ANTXR1: variants seen among roughly 807,000 people sequenced by gnomAD.
ANTXR1 encodes anthrax toxin receptor 1.
ANTXR1 carries 19 observed loss-of-function variants against 78.1 expected under a neutral mutation model. The observed-to-expected ratio is 0.24, with a 90% confidence interval of 0.17 to 0.36. ANTXR1 has a LOEUF of 0.36. ANTXR1 is among the 10% of genes least tolerant of loss of function. The probability of loss-of-function intolerance (pLI) is 1.00; values close to 1 mark genes in which losing one functional copy is unlikely to be tolerated. For missense variants in ANTXR1, 518 were observed against 718.6 expected (o/e 0.72, Z 3.19); for synonymous variants, 273 against 260.5 (o/e 1.05, Z -0.46).
rs750520607 is a variant in ANTXR1, at chr2:69,248,980, A to C, written c.*3495A>C. ...TAGAATATGATTTTTAATACACTTA[A>C]CATTAAACTCTTCTAACTTTCTTCT... is the stretch of plus-strand genomic sequence containing the variant. On this transcript the variant is annotated 3_prime_UTR_variant, in exon 18 of 18. Coordinates refer to ENST00000303714, the MANE Select transcript of ANTXR1 (RefSeq NM_032208.3). The C allele has an allele frequency of 1.3e-5, 2 of 152,194 alleles. No homozygotes were observed. The highest frequency in any genetic ancestry group is 2.9e-5 in the Non-Finnish European group (2 of 68,036). The allele number at this position is 152,194 out of a possible 1,614,324, so 9.4% of individuals were successfully genotyped here. A position where few individuals can be genotyped will look rare whatever the true frequency, so the allele number is the denominator to read the frequency against.
intron 12 of ANTXR1, among the ~76,000 whole-genome samples, chr2:69,129,440 A>G (rs937452384): frequency 9.2e-5 from 14 of 152,170 alleles, no homozygotes; most frequent in Non-Finnish European, 1.9e-4. Context: ...TTGGAGAAAG[A>G]GTCCAACAAG....
At chr2:69,107,726 T>A (rs1671856513) in intron 10 of ANTXR1, among the ~76,000 whole-genome samples, 1 of 152,190 alleles carries the variant, frequency 6.6e-6, no homozygotes, top group Non-Finnish European at 1.5e-5. Flanking sequence ...CTAAGACAAC[T>A]TTGAAGACAG....
At chr2:69,129,759 A>G (rs1436391543) in intron 12 of ANTXR1, among the ~76,000 whole-genome samples, 2 of 152,154 alleles carry the variant, frequency 1.3e-5, no homozygotes, top group Non-Finnish European at 2.9e-5. Context: ...CAAAAAAAAA[A>G]AAAGAGTGTA....
At chr2:69,055,011 A>C (rs1324734012) in intron 3 of ANTXR1, among the ~76,000 whole-genome samples, 1 of 152,190 alleles carries the variant, frequency 6.6e-6, no homozygotes, top group Non-Finnish European at 1.5e-5. Flanking sequence ...TTATCTATAA[A>C]GTGAATGCAA....
intron 3 of ANTXR1, among the ~76,000 whole-genome samples, chr2:69,060,963 A>G (rs899644447): frequency 6.6e-6 from 1 of 152,250 alleles, no homozygotes; most frequent in Non-Finnish European, 1.5e-5. Flanking sequence ...AAATATTTAA[A>G]CCATAAAAAC....
intron 17 of ANTXR1, among the ~76,000 whole-genome samples, chr2:69,214,908 A>G (rs1195150975): frequency 1.3e-5 from 2 of 152,152 alleles, no homozygotes; most frequent in Non-Finnish European, 2.9e-5. Context: ...GTGCTTTCAT[A>G]GCCTCTGGGT....
At chr2:69,150,529 GAAAA>G (rs1257014488) in intron 12 of ANTXR1, among the ~76,000 whole-genome samples, 1 of 152,026 alleles carries the variant, frequency 6.6e-6, no homozygotes, top group Non-Finnish European at 1.5e-5. Context: ...ATGAAAGAAA[GAAAA>G]TAGATTTTAA....
rs1255935742 is a variant in ANTXR1, at chr2:69,074,582, G to A, written c.493-1008G>A. Among the ~76,000 whole-genome samples the A allele has an allele frequency of 3.8e-4, 58 of 152,196 alleles. 1 individual carries two copies. The highest frequency in any genetic ancestry group is 3.8e-3 in the Admixed American group (58 of 15,274). Reference sequence around the variant, plus strand: ...AATTCTATATAAAGTCCAACTGGAGGAGAAGAATCACAGAGTTGTTGCAAA... The same window carrying A: ...AATTCTATATAAAGTCCAACTGGAGAAGAAGAATCACAGAGTTGTTGCAAA... On this transcript the variant is annotated intron_variant, in intron 6 of 17. Coordinates refer to ENST00000303714, the MANE Select transcript of ANTXR1 (RefSeq NM_032208.3).
intron 12 of ANTXR1, among the ~76,000 whole-genome samples, chr2:69,151,854 A>G (rs114064858): frequency 0.011 from 1,607 of 152,312 alleles, 30 homozygotes; most frequent in African/African-American, 0.037. Flanking sequence ...ATGGTGTTCC[A>G]GGGGGCCAGA....
At chr2:69,169,771 C>A (rs1297430110) in intron 13 of ANTXR1, among the ~76,000 whole-genome samples, 1 of 152,250 alleles carries the variant, frequency 6.6e-6, no homozygotes, top group East Asian at 1.9e-4. Flanking sequence ...CCGTGGGGAC[C>A]AGTGACAGCT....
intron 13 of ANTXR1, among the ~76,000 whole-genome samples, chr2:69,155,943 G>T (rs573225100): frequency 1.1e-4 from 17 of 152,232 alleles, no homozygotes; most frequent in Admixed American, 8.5e-4. Context: ...GGGGCTCTCA[G>T]TTTCATGACT....
At chr2:69,084,481 T>C (rs1670987960) in intron 8 of ANTXR1, among the ~76,000 whole-genome samples, 1 of 152,200 alleles carries the variant, frequency 6.6e-6, no homozygotes, top group South Asian at 2.1e-4. Context: ...ATGTGTTTTG[T>C]TGCATGTAAG....
rs1009840590 is a variant in ANTXR1 at position 69,182,566 on chromosome 2, T to C, written c.1259T>C (p.Met420Thr). The C allele has an allele frequency of 6.2e-7, 1 of 1,614,098 alleles. No homozygotes were observed. Among genetic ancestry groups the C allele is most frequent in the African/African-American group, 1.3e-5 (1 of 74,928 alleles). Residue 420 changes from methionine (M) to threonine (T), a missense_variant, in exon 16 of 18, where the codon ATG (methionine) becomes ACG (threonine). Transcript: ENST00000303714. Reference protein sequence around the residue: ...LEKAKNARVKMPEQEYEFPEP... With the variant: ...LEKAKNARVKTPEQEYEFPEP... The stretch of plus-strand genomic sequence containing the variant: ...AAGGCAAAGAATGCAAGAGTCAAGA[T>C]GCCGGAGCAGGAATATGAATTCCCT...
chr2:69,138,645 G>A (rs1672984614), intron 12 of ANTXR1, among the ~76,000 whole-genome samples: 1 of 152,194 alleles, frequency 6.6e-6, no homozygotes, highest in Non-Finnish European at 1.5e-5. Context: ...AGAAGAGTCA[G>A]CCACAAACGA....
At chr2:69,210,443 T>A (rs537643169) in intron 17 of ANTXR1, among the ~76,000 whole-genome samples, 1 of 152,312 alleles carries the variant, frequency 6.6e-6, no homozygotes, top group East Asian at 1.9e-4. Flanking sequence ...CCAAAATGAT[T>A]TTATTCTTTC....
intron 13 of ANTXR1, among the ~76,000 whole-genome samples, chr2:69,154,826 G>GC (rs1385013579): frequency 6.6e-6 from 1 of 152,150 alleles, no homozygotes; most frequent in Non-Finnish European, 1.5e-5. Context: ...AACCTGCAAG[G>GC]CCCCCACCCC....
chr2:69,044,594 CG>C (rs1244966916), intron 2 of ANTXR1, 147 bp from the exon 3 acceptor site: 1 of 782,490 alleles, frequency 1.3e-6, no homozygotes, highest in African/African-American at 1.7e-5. Context: ...AATCAACACC[CG>C]CAGCACCAGC....
At chr2:69,119,436 A>G (rs1672272820) in intron 10 of ANTXR1, among the ~76,000 whole-genome samples, 1 of 152,262 alleles carries the variant, frequency 6.6e-6, no homozygotes, top group South Asian at 2.1e-4. Flanking sequence ...CAACAGGATA[A>G]GCCATGGCCA....
intron 9 of ANTXR1, among the ~76,000 whole-genome samples, chr2:69,099,341 T>A (rs2104308237): frequency 6.6e-6 from 1 of 152,376 alleles, no homozygotes; most frequent in Non-Finnish European, 1.5e-5. Context: ...ATACCATACT[T>A]ATCAGTTGAT....
Sources: gnomAD v4.1 joint callset for allele counts (sites outside exome capture counted in the v4.1 genomes callset) on GRCh38, gnomAD v4.1.1 for gene constraint, MANE v1.5 for transcripts, NCBI Gene and HGNC (gene_info 2026-07-23, HGNC 2026-07-21) for gene names.